The following PEAK1 variants were observed in gnomAD, a reference collection of about 807,000 sequenced individuals.
PEAK1 encodes the protein inactive tyrosine-protein kinase PEAK1.
Under a neutral mutation model 124.7 loss-of-function variants are expected in PEAK1, and 54 were observed. The observed-to-expected ratio is 0.43, with a 90% CI of 0.35 to 0.54. PEAK1 has a LOEUF of 0.54. Ranked by LOEUF, PEAK1 falls within the 20% of genes least tolerant of loss-of-function variation. The probability of loss-of-function intolerance (pLI) is 0.01; values close to 1 mark genes in which losing one functional copy is unlikely to be tolerated. For missense variants in PEAK1, 2,046 were observed against 2,134.5 expected (o/e 0.96, Z 0.82); for synonymous variants, 719 against 760.0 (o/e 0.95, Z 0.89).
At position 77,333,090 on chromosome 15, in the gene PEAK1, T is replaced by C. The variant is rs1279747524; in HGVS notation, c.-603+32073A>G. ...TATTCCTTCATATTTGACATTTGCCTTTCAATTTTGTTGATGGTATTTGAT... is the reference window on the plus strand; with the variant it reads ...TATTCCTTCATATTTGACATTTGCCCTTCAATTTTGTTGATGGTATTTGAT... On this transcript the variant is annotated intron_variant, in intron 2 of 9. Transcript: ENST00000682557. 5 of 983,746 alleles carry C rather than the reference T, an allele frequency of 5.1e-6. No homozygotes were observed. The South Asian group carries it at 2.4e-4, about 46-fold the overall frequency. 60.9% of individuals were successfully genotyped at this position (983,746 alleles called of 1,614,324 possible).
intron 8 of PEAK1, among the ~76,000 whole-genome samples, chr15:77,145,305 T>C (rs2054095759): frequency 6.6e-6 from 1 of 152,012 alleles, no homozygotes; most frequent in Admixed American, 6.6e-5. Flanking sequence ...AAAAATTAGC[T>C]GGGGGTGGTG....
chr15:77,387,907 T>A (rs1055135838), intron 1 of PEAK1, among the ~76,000 whole-genome samples: 1 of 152,340 alleles, frequency 6.6e-6, no homozygotes, highest in East Asian at 1.9e-4. Flanking sequence ...ACTATGTGGA[T>A]GGCAGCCTTC....
At chr15:77,156,057 G>C (rs892982282) in intron 8 of PEAK1, 4 of 152,734 alleles carry the variant, frequency 2.6e-5, no homozygotes, top group African/African-American at 9.6e-5. Context: ...AGTCTGCAGA[G>C]GTTACTGCTG....
At chr15:77,208,161 T>C (rs1200583383) in intron 6 of PEAK1, among the ~76,000 whole-genome samples, 1 of 152,220 alleles carries the variant, frequency 6.6e-6, no homozygotes, top group African/African-American at 2.4e-5. Flanking sequence ...CTACTATGTA[T>C]GACGCATCTT....
chr15:77,370,120 C>G (rs1256577891), intron 1 of PEAK1, among the ~76,000 whole-genome samples: 1 of 152,168 alleles, frequency 6.6e-6, no homozygotes, highest in Non-Finnish European at 1.5e-5. Flanking sequence ...CTAAGATATT[C>G]TCTAAACCAA....
chr15:77,137,703 T>A (rs1211785729), intron 8 of PEAK1, among the ~76,000 whole-genome samples: 1 of 152,222 alleles, frequency 6.6e-6, no homozygotes, highest in Non-Finnish European at 1.5e-5. Flanking sequence ...GGAAGGGACT[T>A]GCCTTGTCTC....
chr15:77,215,320 C>A (rs1472616518), intron 6 of PEAK1, among the ~76,000 whole-genome samples: 1 of 151,548 alleles, frequency 6.6e-6, no homozygotes, highest in Non-Finnish European at 1.5e-5. Flanking sequence ...AAATTTACTC[C>A]CAGTTTGTGG....
intron 5 of PEAK1, among the ~76,000 whole-genome samples, chr15:77,261,990 T>C (rs1364905709): frequency 1.3e-5 from 2 of 152,104 alleles, no homozygotes; most frequent in Non-Finnish European, 2.9e-5. Flanking sequence ...CAACCCACAA[T>C]TTCATATCCA....
intron 2 of PEAK1, among the ~76,000 whole-genome samples, chr15:77,340,167 C>T (rs776039819): frequency 2.6e-5 from 4 of 152,220 alleles, no homozygotes; most frequent in African/African-American, 4.8e-5. Context: ...CAAAAACCTG[C>T]ATGCAAATGT....
rs369039134 is a variant in PEAK1 at position 77,332,247 on chromosome 15, AT to A, written c.-603+32915del. On this transcript the variant is annotated intron_variant, in intron 2 of 9. Transcript: ENST00000682557. ...TTTTTTGACAAAACACAAAAAGTTG[AT>A]TTTTTTCCCCCTGAAACTAAACAGG... 1.6e-3 allele frequency: 1,598 copies of A among 984,888 alleles called. 21 individuals are homozygous for A. The African/African-American group carries it at 0.026, about 16-fold the overall frequency. The allele number at this position is 984,888 out of a possible 1,614,324, so 61.0% of individuals were successfully genotyped here. A position where few individuals can be genotyped will look rare whatever the true frequency, so the allele number is the denominator to read the frequency against.
chr15:77,128,611 A>G (rs1401120640), intron 9 of PEAK1, among the ~76,000 whole-genome samples: 1 of 152,192 alleles, frequency 6.6e-6, no homozygotes, highest in Non-Finnish European at 1.5e-5. Context: ...CCGAAGATTT[A>G]ATAGAACTTG....
At chr15:77,219,933 AGTT>A (rs771268543) in intron 6 of PEAK1, among the ~76,000 whole-genome samples, 13 of 152,148 alleles carry the variant, frequency 8.5e-5, no homozygotes, top group Non-Finnish European at 1.6e-4. Flanking sequence ...TTAGTTGAAT[AGTT>A]GTTAAATAAT....
At chr15:77,239,350 TAAGA>T (rs2060258293) in intron 6 of PEAK1, among the ~76,000 whole-genome samples, 1 of 151,898 alleles carries the variant, frequency 6.6e-6, no homozygotes, top group African/African-American at 2.4e-5. Flanking sequence ...TGAACAAGGG[TAAGA>T]AACACTGGTA....
intron 1 of PEAK1, among the ~76,000 whole-genome samples, chr15:77,397,445 T>A (rs2070984622): frequency 6.8e-6 from 1 of 147,988 alleles, no homozygotes; most frequent in East Asian, 2.0e-4. Context: ...GTAGAAGAAA[T>A]AATAAAGATC....
intron 6 of PEAK1, among the ~76,000 whole-genome samples, chr15:77,236,602 T>C (rs2060136034): frequency 6.6e-6 from 1 of 151,982 alleles, no homozygotes; most frequent in Admixed American, 6.6e-5. Flanking sequence ...GGCTTTTGAG[T>C]TAATGCTGGA....
chr15:77,175,688 A>C (rs1596471739), intron 7 of PEAK1, among the ~76,000 whole-genome samples: 1 of 152,374 alleles, frequency 6.6e-6, no homozygotes, highest in East Asian at 1.9e-4. Context: ...TGTGGAAGTC[A>C]GTGTGGTGAT....
At chr15:77,398,938 A>G (rs1243677399) in intron 1 of PEAK1, among the ~76,000 whole-genome samples, 4 of 152,222 alleles carry the variant, frequency 2.6e-5, no homozygotes, top group African/African-American at 9.6e-5. Context: ...CAACATACAA[A>G]AAAAAGTAGC....
chr15:77,183,314 A>T (rs1043047483), intron 6 of PEAK1, among the ~76,000 whole-genome samples: 2 of 152,226 alleles, frequency 1.3e-5, no homozygotes, highest in Non-Finnish European at 2.9e-5. Context: ...TGTGACACAC[A>T]GACTGTATGC....
At chr15:77,178,590 G>C (rs1163296981) in intron 7 of PEAK1, 200 bp downstream of exon 7, 2 of 594,974 alleles carry the variant, frequency 3.4e-6, no homozygotes, top group Admixed American at 3.2e-5. Flanking sequence ...CAAAGATCCA[G>C]GGCTATAAAC....
Sources: gnomAD v4.1 joint callset for allele counts (sites outside exome capture counted in the v4.1 genomes callset) on GRCh38, gnomAD v4.1.1 for gene constraint, MANE v1.5 for transcripts, NCBI Gene and HGNC (gene_info 2026-07-23, HGNC 2026-07-21) for gene names.